SVEP1: variants seen among roughly 807,000 people sequenced by gnomAD.
SVEP1 encodes the protein sushi, von Willebrand factor type A, EGF and pentraxin domain-containing protein 1.
In SVEP1, 164 loss-of-function variants were observed where a neutral mutation model predicts 367.3. The ratio of observed to expected loss-of-function variants is 0.45; its 90% CI spans 0.39 to 0.51. The LOEUF (loss-of-function observed/expected upper bound fraction) is 0.51. Among genes scored for constraint, SVEP1 ranks in the 20% least tolerant of loss-of-function variants. The pLI, the probability that SVEP1 is intolerant of heterozygous loss-of-function variation, is 0.00. For missense variants in SVEP1, 4,117 were observed against 4,425.3 expected (o/e 0.93, Z 1.98); for synonymous variants, 1,666 against 1,611.6 (o/e 1.03, Z -0.81).
intron 1 of SVEP1, among the ~76,000 whole-genome samples, chr9:110,556,690 T>C (rs1210067544): frequency 6.6e-6 from 1 of 152,086 alleles, no homozygotes; most frequent in Non-Finnish European, 1.5e-5. Flanking sequence ...GGTTTGGCCA[T>C]GTTGCTCAGG....
intron 5 of SVEP1, among the ~76,000 whole-genome samples, chr9:110,512,517 G>T (rs1467614077): frequency 6.6e-6 from 1 of 152,118 alleles, no homozygotes; most frequent in African/African-American, 2.4e-5. Context: ...CGAAGTAAAG[G>T]CTGGAGATTA....
chr9:110,405,050 G>A (rs1827934826), intron 38 of SVEP1, among the ~76,000 whole-genome samples: 1 of 151,824 alleles, frequency 6.6e-6, no homozygotes, highest in Non-Finnish European at 1.5e-5. Flanking sequence ...CAAAAAACCG[G>A]TAATAACCAG....
intron 9 of SVEP1, among the ~76,000 whole-genome samples, chr9:110,487,680 T>C (rs1244419598): frequency 6.6e-6 from 1 of 152,158 alleles, no homozygotes; most frequent in African/African-American, 2.4e-5. Flanking sequence ...CTGAGATAAA[T>C]GTTGCAAAAT....
At chr9:110,454,737 T>C (rs1177797706) in intron 22 of SVEP1, among the ~76,000 whole-genome samples, 1 of 152,110 alleles carries the variant, frequency 6.6e-6, no homozygotes, top group African/African-American at 2.4e-5. Context: ...ATGTTCTCAC[T>C]TAAAATGGGA....
chr9:110,446,803 G>T, intron 25 of SVEP1, 97 bp downstream of exon 25: 2 of 1,089,180 alleles, frequency 1.8e-6, no homozygotes, highest in Non-Finnish European at 1.2e-6. Flanking sequence ...CATCGTTTTT[G>T]GCCTACGGAC....
Position 110,427,647 on chromosome 9 carries a change from G to A in SVEP1, c.5919C>T (p.Val1973=). The change falls in exon 36 of 48, where the codon GTC becomes GTT. Residue 1973 remains valine (V), a synonymous_variant. Transcript: ENST00000374469. Reference sequence around the variant, plus strand: ...TGAAAGTGAAGTTATTCCCCGTAATGACAGCATCTTTGATGGCAGGTGGTT... The same window carrying A: ...TGAAAGTGAAGTTATTCCCCGTAATAACAGCATCTTTGATGGCAGGTGGTT... The part of the protein sequence containing the change: ...CGEPPAIKDA[V]ITGNNFTFRN... The A allele has an allele frequency of 6.2e-7, 1 of 1,613,908 alleles. No individual in the cohort carries two copies. The highest frequency in any genetic ancestry group is 8.5e-7 in the Non-Finnish European group (1 of 1,179,854).
In SVEP1 at chr9:110,579,315, C is replaced by T; in HGVS notation, c.229G>A (p.Glu77Lys). The T allele has an allele frequency of 6.4e-7, 1 of 1,562,718 alleles. No individual in the cohort carries two copies. Residue 77 changes from glutamate (E) to lysine (K), a missense_variant, in exon 1 of 48, where the codon GAG (glutamate) becomes AAG (lysine). This residue lies in a region of SVEP1 where 161 missense variants were observed against 122.4 expected (regional missense o/e 1.32). Transcript: ENST00000374469. This position sits in a 1 kb window ranked among gnomAD's most constrained non-coding sequence, Gnocchi z 5.3. Reference sequence around the variant, plus strand: ...ACAAGCTCCAGGCGCTCGCTGAGCTCCCGCAGCAGCCGCACGCGTCGCCGG... The same window carrying T: ...ACAAGCTCCAGGCGCTCGCTGAGCTTCCGCAGCAGCCGCACGCGTCGCCGG... The part of the protein sequence containing the change: ...AFRRRVRLLR[E>K]LSERLELVFL...
intron 8 of SVEP1, 76 bp from the exon 9 acceptor site, chr9:110,489,855 G>C (rs1829340679): frequency 6.8e-7 from 1 of 1,468,260 alleles, no homozygotes; most frequent in South Asian, 1.5e-5. Context: ...TATATTATTA[G>C]TAATGTTAAC....
chr9:110,577,836 A>T (rs1225540602), intron 1 of SVEP1, among the ~76,000 whole-genome samples: 1 of 152,156 alleles, frequency 6.6e-6, no homozygotes, highest in East Asian at 1.9e-4. Flanking sequence ...AAAAAATACA[A>T]ATGTCCAGTA....
intron 1 of SVEP1, among the ~76,000 whole-genome samples, chr9:110,564,417 G>A (rs560907699): frequency 7.2e-5 from 11 of 152,230 alleles, no homozygotes; most frequent in African/African-American, 2.4e-4. Flanking sequence ...CCATTACCTT[G>A]CAAATACTTA....
At chr9:110,502,970 C>T in intron 6 of SVEP1, 68 bp downstream of exon 6, 1 of 1,521,010 alleles carries the variant, frequency 6.6e-7, no homozygotes, top group Non-Finnish European at 8.8e-7. Flanking sequence ...TAGGTCTTCA[C>T]AGAATACTGG....
intron 30 of SVEP1, among the ~76,000 whole-genome samples, chr9:110,434,020 T>C (rs1828393200): frequency 6.6e-6 from 1 of 152,194 alleles, no homozygotes; most frequent in African/African-American, 2.4e-5. Flanking sequence ...TGCACTCGAC[T>C]GAAGATGGCT....
Position 110,528,146 on chromosome 9 carries a change from GTGTGTGTGTGTA to G in SVEP1, c.965-14052_965-14041del, listed in dbSNP as rs1338575093. Reference sequence around the variant, plus strand: ...TACATACACACGTGTGTGTGTGTGTGTGTGTGTGTGTATATATATATATATATATATATATAT... The same window carrying G: ...TACATACACACGTGTGTGTGTGTGTGTATATATATATATATATATATATAT... On this transcript the variant is annotated intron_variant, in intron 3 of 47. Coordinates refer to ENST00000374469, the MANE Select transcript of SVEP1 (RefSeq NM_153366.4). Among the ~76,000 whole-genome samples, 8 of 36,584 alleles carry G rather than the reference GTGTGTGTGTGTA, an allele frequency of 2.2e-4. No homozygotes were observed. The Admixed American group carries it at 2.3e-3, about 11-fold the overall frequency. The allele number at this position is 36,584 out of a possible 152,430, so 24.0% of individuals were successfully genotyped here.
intron 3 of SVEP1, among the ~76,000 whole-genome samples, chr9:110,528,178 A>G (rs1217070753): frequency 8.8e-5 from 12 of 136,734 alleles, no homozygotes; most frequent in Non-Finnish European, 1.7e-4. Context: ...ATATATATAT[A>G]TATATATATG....
chr9:110,455,727 G>A (rs1382387006), intron 21 of SVEP1, 24 bp from the exon 22 acceptor site: 2 of 1,577,868 alleles, frequency 1.3e-6, no homozygotes, highest in Non-Finnish European at 1.7e-6. Context: ...CAAATGCTGA[G>A]GGACAATCCA....
intron 36 of SVEP1, among the ~76,000 whole-genome samples, chr9:110,426,270 G>A (rs1000818048): frequency 3.3e-5 from 5 of 152,214 alleles, no homozygotes; most frequent in Non-Finnish European, 7.3e-5. Flanking sequence ...TGGCAGTCAT[G>A]TATTAGTGGA....
chr9:110,410,504 A>G (rs1323883089), intron 37 of SVEP1, among the ~76,000 whole-genome samples: 2 of 152,240 alleles, frequency 1.3e-5, no homozygotes, highest in Non-Finnish European at 2.9e-5. Flanking sequence ...TCTATAAAAT[A>G]AAGCATATAT....
intron 36 of SVEP1, among the ~76,000 whole-genome samples, chr9:110,415,842 G>A (rs1828112499): frequency 9.9e-5 from 15 of 152,018 alleles, no homozygotes; most frequent in Admixed American, 9.8e-4. Context: ...GTGAATGGAT[G>A]CTATGGTTGA....
intron 3 of SVEP1, among the ~76,000 whole-genome samples, chr9:110,522,740 T>G (rs1829892513): frequency 6.6e-6 from 1 of 152,186 alleles, no homozygotes; most frequent in South Asian, 2.1e-4. Context: ...TGGTAACTTA[T>G]GAGTAACATT....
Sources: gnomAD v4.1 joint callset for allele counts (sites outside exome capture counted in the v4.1 genomes callset) on GRCh38, gnomAD v4.1.1 for gene constraint, gnomAD v4.1.1 regional missense constraint, Gnocchi (gnomAD v3.1) non-coding constraint, MANE v1.5 for transcripts, NCBI Gene and HGNC (gene_info 2026-07-23, HGNC 2026-07-21) for gene names.